Variants in MAPK6 observed in about 807,000 individuals in gnomAD.
MAPK6 encodes the protein mitogen-activated protein kinase 6.
In MAPK6, 19 loss-of-function variants were observed where a neutral mutation model predicts 59.3. The ratio of observed to expected loss-of-function variants is 0.32; its 90% confidence interval spans 0.22 to 0.47. The LOEUF (loss-of-function observed/expected upper bound fraction) is 0.47. Among genes scored for constraint, MAPK6 ranks in the 20% least tolerant of loss-of-function variants. The pLI, the probability that MAPK6 is intolerant of heterozygous loss-of-function variation, is 1.00. For missense variants in MAPK6, 724 were observed against 847.9 expected (o/e 0.85, Z 1.81); for synonymous variants, 316 against 290.3 (o/e 1.09, Z -0.90).
intron 3 of MAPK6, among the ~76,000 whole-genome samples, chr15:52,053,619 ATTGATTGG>A (rs1366043980): frequency 1.5e-5 from 2 of 131,140 alleles, no homozygotes; most frequent in East Asian, 4.3e-4. Flanking sequence ...TGATTGATTG[ATTGATTGG>A]TTGATTGATT....
intron 3 of MAPK6, among the ~76,000 whole-genome samples, chr15:52,054,016 A>T (rs192637029): frequency 3.4e-4 from 52 of 152,118 alleles, no homozygotes; most frequent in Admixed American, 2.7e-3. Flanking sequence ...CTGAGGAATA[A>T]TTGCCTGACC....
intron 1 of MAPK6, among the ~76,000 whole-genome samples, chr15:51,973,472 G>T (rs1183298867): frequency 4.6e-5 from 7 of 151,850 alleles, no homozygotes; most frequent in Non-Finnish European, 8.8e-5. Context: ...CTCCTAACAC[G>T]TTGGGATTAC....
intron 3 of MAPK6, among the ~76,000 whole-genome samples, chr15:52,054,229 A>G (rs148907111): frequency 0.017 from 2,616 of 151,892 alleles, 73 homozygotes; most frequent in African/African-American, 0.06. Context: ...TTAGCTGGGC[A>G]TGGTGGCGCG....
At chr15:52,044,095 A>G (rs2031524940) in intron 1 of MAPK6, among the ~76,000 whole-genome samples, 1 of 152,078 alleles carries the variant, frequency 6.6e-6, no homozygotes, top group Non-Finnish European at 1.5e-5. Flanking sequence ...TTTTAATTCA[A>G]AAGTTTATTC....
intron 3 of MAPK6, among the ~76,000 whole-genome samples, chr15:52,006,203 G>C (rs915656640): frequency 4.6e-5 from 7 of 152,134 alleles, no homozygotes; most frequent in African/African-American, 1.7e-4. Flanking sequence ...AGGCCTGTTT[G>C]CTAAGAACGT....
Position 51,989,379 on chromosome 15 carries a change from A to G in MAPK6, c.-770+6064A>G, listed in dbSNP as rs141017233. ...CAGGCACCCGGCCTCAAAATCCACA[A>G]TGTAACATCCATTTTTGCCATATAT... is the stretch of plus-strand genomic sequence containing the variant. On this transcript the variant is annotated intron_variant, in intron 2 of 7. Transcript: ENST00000691380. 2.0e-5 allele frequency among the ~76,000 whole-genome samples: 3 copies of G among 152,002 alleles called. No homozygotes were observed. The East Asian group carries it at 5.8e-4, about 29-fold the overall frequency.
At chr15:52,055,526 T>G (rs80340069) in intron 3 of MAPK6, among the ~76,000 whole-genome samples, 2,436 of 152,306 alleles carry the variant, frequency 0.016, 29 homozygotes, top group African/African-American at 0.032. Context: ...TTTGTTTGTT[T>G]GTTTGTTTTG....
chr15:52,045,978 A>G lies in MAPK6; in HGVS notation c.-483A>G. On this transcript the variant is annotated 5_prime_UTR_variant, in exon 2 of 6. Coordinates refer to ENST00000261845, the MANE Select transcript of MAPK6 (RefSeq NM_002748.4). ...TATATAGCAACAAAGGAAAAAAAGA[A>G]GCAAAACGGAAATAGTGCTTACCAG... 1 of 153,334 alleles carries G rather than the reference A, an allele frequency of 6.5e-6. No homozygotes were observed. The allele number at this position is 153,334 out of a possible 1,614,324, so 9.5% of individuals were successfully genotyped here.
At chr15:52,063,810 C>T in intron 5 of MAPK6, 92 bp from the exon 6 acceptor site, 1 of 1,151,342 alleles carries the variant, frequency 8.7e-7, no homozygotes, top group Admixed American at 2.6e-5. Context: ...CCCTCATAGA[C>T]CTAGCACAGT....
chr15:52,064,911 A>G lies in MAPK6; in HGVS notation c.2077A>G (p.Ile693Val), dbSNP rs147078476. The change falls in exon 6 of 6, where the codon ATA becomes GTA. Residue 693 changes from isoleucine (I) to valine (V), a missense_variant. By Grantham distance (29) the Ile-to-Val change is conservative. Coordinates refer to ENST00000261845, the MANE Select transcript of MAPK6 (RefSeq NM_002748.4). ...TCCAGTTGGGTCACCACTTAAGTCA[A>G]TACAGGCCACATTAACACCTTCTGC... The part of the protein sequence containing the change: ...HSPVGSPLKS[I>V]QATLTPSAMK... 7.4e-6 allele frequency: 12 copies of G among 1,612,002 alleles called. No homozygotes were observed. Among genetic ancestry groups the G allele is most frequent in the African/African-American group, 1.3e-5 (1 of 74,972 alleles).
intron 1 of MAPK6, among the ~76,000 whole-genome samples, chr15:52,030,776 G>A (rs1351875441): frequency 4.6e-5 from 7 of 151,058 alleles, no homozygotes; most frequent in Admixed American, 6.6e-5. Flanking sequence ...ACAGGCGTGT[G>A]CCACCATGCC....
At chr15:52,026,645 AT>A (rs2030789819) in intron 1 of MAPK6, among the ~76,000 whole-genome samples, 1 of 152,124 alleles carries the variant, frequency 6.6e-6, no homozygotes, top group South Asian at 2.1e-4. Context: ...TCACAGGCCT[AT>A]GTCCAAATCT....
At chr15:52,032,588 G>C (rs1453041646) in intron 1 of MAPK6, among the ~76,000 whole-genome samples, 3 of 151,888 alleles carry the variant, frequency 2.0e-5, no homozygotes, top group Non-Finnish European at 4.4e-5. Context: ...GTTACATTTG[G>C]TGTATTTTTC....
intron 2 of MAPK6, among the ~76,000 whole-genome samples, chr15:51,995,975 G>A (rs1020596928): frequency 6.6e-6 from 1 of 152,034 alleles, no homozygotes; most frequent in Non-Finnish European, 1.5e-5. Flanking sequence ...CAACTTACAG[G>A]CTTTCTAAAT....
chr15:52,035,401 G>A (rs1249187817), intron 1 of MAPK6, among the ~76,000 whole-genome samples: 3 of 152,168 alleles, frequency 2.0e-5, no homozygotes, highest in East Asian at 1.9e-4. Context: ...TTGGGAGGCC[G>A]AGGCGGGTGG....
intron 5 of MAPK6, among the ~76,000 whole-genome samples, 162 bp downstream of exon 5, chr15:52,061,662 TC>T (rs2032206022): frequency 6.6e-6 from 1 of 152,168 alleles, no homozygotes; most frequent in Non-Finnish European, 1.5e-5. Context: ...GCGCCTGTAG[TC>T]CTAGCTACTT....
At chr15:52,053,552 G>GT (rs201552416) in intron 3 of MAPK6, among the ~76,000 whole-genome samples, 36 of 151,710 alleles carry the variant, frequency 2.4e-4, no homozygotes, top group Admixed American at 1.6e-3. Flanking sequence ...CTATTCTGCA[G>GT]TTTTTTTTCC....
chr15:51,981,120 T>C (rs1280044376), intron 1 of MAPK6, among the ~76,000 whole-genome samples: 2 of 151,712 alleles, frequency 1.3e-5, no homozygotes, highest in Non-Finnish European at 2.9e-5. Context: ...CCTATACAAA[T>C]GAGAGTTTGG....
chr15:52,032,930 C>T (rs558629143), intron 1 of MAPK6, among the ~76,000 whole-genome samples: 1 of 152,218 alleles, frequency 6.6e-6, no homozygotes, highest in East Asian at 1.9e-4. Flanking sequence ...GGTGATCTGC[C>T]CGCTTCAGCC....
Sources: allele counts gnomAD v4.1 joint callset (sites outside exome capture counted in the v4.1 genomes callset), GRCh38; gene constraint gnomAD v4.1.1; transcripts MANE v1.5; gene names NCBI Gene and HGNC (gene_info 2026-07-23, HGNC 2026-07-21).